Variants in PHACTR3 observed in about 807,000 individuals in gnomAD.
The protein encoded by PHACTR3 is phosphatase and actin regulator 3.
Under a neutral mutation model 66.8 loss-of-function variants are expected in PHACTR3, and 16 were observed. That is an observed-to-expected ratio of 0.24 (90% CI 0.16 to 0.36). The LOEUF is 0.36. PHACTR3 is among the 10% of genes least tolerant of loss of function. The pLI is 1.00. For missense variants in PHACTR3, 647 were observed against 719.9 expected (o/e 0.90, Z 1.16); for synonymous variants, 323 against 292.1 (o/e 1.11, Z -1.08).
chr20:59,779,135 G>A (rs2040637744), intron 7 of PHACTR3, among the ~76,000 whole-genome samples: 1 of 152,156 alleles, frequency 6.6e-6, no homozygotes, highest in Non-Finnish European at 1.5e-5. Flanking sequence ...TATGTCTGAG[G>A]TGCAACCTCC....
chr20:59,669,426 G>A (rs1453274126), intron 1 of PHACTR3, among the ~76,000 whole-genome samples: 1 of 152,218 alleles, frequency 6.6e-6, no homozygotes, highest in Non-Finnish European at 1.5e-5. Flanking sequence ...CCATGGCCAA[G>A]CTGCCTTGAA....
Position 59,604,705 on chromosome 20 carries a change from A to T in PHACTR3, c.-310A>T. On this transcript the variant is annotated 5_prime_UTR_variant, in exon 1 of 13. Transcript: ENST00000371015. Reference sequence around the variant, plus strand: ...AGAAAAAGTTTTTATTTCCTGGTTCAACTTTTTTTTTTTTCCCTGGAATAT... The same window carrying T: ...AGAAAAAGTTTTTATTTCCTGGTTCTACTTTTTTTTTTTTCCCTGGAATAT... 9.7e-7 allele frequency: 1 copy of T among 1,033,442 alleles called. No homozygotes were observed. The highest frequency in any genetic ancestry group is 1.2e-6 in the Non-Finnish European group (1 of 866,058). 64.0% of individuals were successfully genotyped at this position (1,033,442 alleles called of 1,614,324 possible).
chr20:59,766,173 G>A (rs549947413), intron 4 of PHACTR3, among the ~76,000 whole-genome samples: 2 of 152,296 alleles, frequency 1.3e-5, no homozygotes, highest in East Asian at 3.9e-4. Context: ...GCAGGCAAAG[G>A]TGGGAAGCTG....
intron 1 of PHACTR3, among the ~76,000 whole-genome samples, chr20:59,718,089 T>G (rs1038923138): frequency 2.0e-5 from 3 of 152,178 alleles, no homozygotes; most frequent in Non-Finnish European, 4.4e-5. Flanking sequence ...GGCAAAAAGA[T>G]TCTCCCTTTT....
At chr20:59,806,983 C>T (rs1379407018) in intron 8 of PHACTR3, among the ~76,000 whole-genome samples, 1 of 152,206 alleles carries the variant, frequency 6.6e-6, no homozygotes, top group Non-Finnish European at 1.5e-5. Context: ...GAGCACTTAC[C>T]ATGAATGGAG....
chr20:59,827,952 T>C (rs1438349904), intron 8 of PHACTR3, among the ~76,000 whole-genome samples: 1 of 152,124 alleles, frequency 6.6e-6, no homozygotes, highest in Non-Finnish European at 1.5e-5. Flanking sequence ...GCTCTGTGGA[T>C]TGTCACAGCA....
At chr20:59,725,749 CAG>C (rs2038538695) in intron 1 of PHACTR3, among the ~76,000 whole-genome samples, 3 of 152,130 alleles carry the variant, frequency 2.0e-5, no homozygotes, top group Non-Finnish European at 2.9e-5. Flanking sequence ...ATGAGTGTGT[CAG>C]AGTTTGTCTC....
intron 11 of PHACTR3, 36 bp downstream of exon 11, chr20:59,841,571 T>C: frequency 1.3e-6 from 2 of 1,592,464 alleles, no homozygotes; most frequent in Non-Finnish European, 1.7e-6. Context: ...GGGTGTTGGA[T>C]GATATAATAA....
intron 1 of PHACTR3, among the ~76,000 whole-genome samples, chr20:59,651,035 T>TTG (rs10691968): frequency 0.037 from 5,680 of 151,816 alleles, 318 homozygotes; most frequent in African/African-American, 0.12. Flanking sequence ...TGCATGAATG[T>TTG]TGTGTGTGTG....
chr20:59,707,423 G>T (rs2037747626), intron 1 of PHACTR3, among the ~76,000 whole-genome samples: 1 of 150,762 alleles, frequency 6.6e-6, no homozygotes, highest in Non-Finnish European at 1.5e-5. Flanking sequence ...AGAGTCTGGG[G>T]CCTCCCTTCT....
chr20:59,726,100 C>A (rs746568549), intron 1 of PHACTR3, among the ~76,000 whole-genome samples: 25 of 152,200 alleles, frequency 1.6e-4, no homozygotes, highest in Non-Finnish European at 2.6e-4. Context: ...TGGCACGAGC[C>A]CAGTTGACAA....
intron 1 of PHACTR3, among the ~76,000 whole-genome samples, chr20:59,622,995 A>AAAAAAAAAAAAAAAAAAAAC (rs1176671091): frequency 1.4e-5 from 2 of 146,786 alleles, no homozygotes; most frequent in Non-Finnish European, 3.0e-5. Flanking sequence ...AAAAAAAAAA[A>AAAAAAAAAAAAAAAAAAAAC]AAAAAACCCA....
intron 1 of PHACTR3, among the ~76,000 whole-genome samples, chr20:59,673,055 G>A (rs1273023939): frequency 6.6e-6 from 1 of 152,226 alleles, no homozygotes; most frequent in Non-Finnish European, 1.5e-5. Context: ...GAGGGCAGGA[G>A]GGTACCTCAT....
intron 1 of PHACTR3, among the ~76,000 whole-genome samples, chr20:59,650,611 A>G (rs1171150488): frequency 6.6e-6 from 1 of 152,040 alleles, no homozygotes; most frequent in Non-Finnish European, 1.5e-5. Context: ...TTGGAGAGCA[A>G]TATGACCTAT....
At chr20:59,703,072 G>A (rs920504118) in intron 1 of PHACTR3, among the ~76,000 whole-genome samples, 3 of 152,112 alleles carry the variant, frequency 2.0e-5, no homozygotes, top group African/African-American at 7.2e-5. Context: ...AGGTGTTTAT[G>A]TTGATTCTGC....
intron 1 of PHACTR3, among the ~76,000 whole-genome samples, chr20:59,657,210 A>G (rs562440373): frequency 6.6e-6 from 1 of 151,906 alleles, no homozygotes; most frequent in South Asian, 2.1e-4. Flanking sequence ...CGTTATTGTC[A>G]AACATTTTAC....
At chr20:59,753,810 C>A (rs2039684693) in intron 3 of PHACTR3, among the ~76,000 whole-genome samples, 1 of 152,190 alleles carries the variant, frequency 6.6e-6, no homozygotes, top group African/African-American at 2.4e-5. Flanking sequence ...TTTGTCCAAA[C>A]AGGACACTTT....
chr20:59,753,154 A>T (rs1198071313), intron 3 of PHACTR3, among the ~76,000 whole-genome samples: 1 of 140,954 alleles, frequency 7.1e-6, no homozygotes, highest in African/African-American at 3.0e-5. Context: ...ATAAAAATTA[A>T]AAAAAAAAAA....
intron 1 of PHACTR3, among the ~76,000 whole-genome samples, chr20:59,694,751 C>T (rs1252529528): frequency 6.6e-6 from 1 of 152,062 alleles, no homozygotes. Context: ...GATGGCTGCT[C>T]TAGTTGTTCT....
Sources: allele counts gnomAD v4.1 joint callset (sites outside exome capture counted in the v4.1 genomes callset), GRCh38; gene constraint gnomAD v4.1.1; transcripts MANE v1.5; gene names NCBI Gene and HGNC (gene_info 2026-07-23, HGNC 2026-07-21).